Variants in SLC9C1 observed in about 807,000 individuals in gnomAD.
The protein encoded by SLC9C1 is sodium/hydrogen exchanger 10.
SLC9C1 carries 97 observed loss-of-function variants against 140.9 expected under a neutral mutation model. The ratio of observed to expected loss-of-function variants is 0.69; its 90% CI spans 0.58 to 0.82. SLC9C1 has a LOEUF of 0.82. SLC9C1 is among the 40% of genes least tolerant of loss of function. The pLI, the probability that SLC9C1 is intolerant of heterozygous loss-of-function variation, is 0.00. For missense variants in SLC9C1, 1,340 were observed against 1,389.3 expected, an observed-to-expected ratio of 0.96 and a Z score of 0.56; for synonymous variants, 440 against 442.6, an observed-to-expected ratio of 0.99 and a Z score of 0.07.
chr3:112,205,126 A>G (rs1458154162), intron 16 of SLC9C1, among the ~76,000 whole-genome samples: 1 of 152,090 alleles, frequency 6.6e-6, no homozygotes, highest in African/African-American at 2.4e-5. Context: ...CTGTTTGCAG[A>G]TGACATGATT....
intron 5 of SLC9C1, 98 bp from the exon 6 acceptor site, chr3:112,275,123 T>C (rs1047609137): frequency 3.1e-6 from 4 of 1,274,470 alleles, no homozygotes; most frequent in Non-Finnish European, 4.2e-6. Context: ...ATAAGGATGG[T>C]CTTAGCTATG....
At chr3:112,289,545 T>C (rs997953774) in intron 1 of SLC9C1, among the ~76,000 whole-genome samples, 3 of 152,206 alleles carry the variant, frequency 2.0e-5, no homozygotes. Context: ...ACAACCTTTG[T>C]GTCTCATTTT....
At chr3:112,237,524 G>A (rs953360465) in intron 12 of SLC9C1, among the ~76,000 whole-genome samples, 9 of 152,102 alleles carry the variant, frequency 5.9e-5, no homozygotes, top group Admixed American at 6.6e-5. Context: ...TATTTTGCTC[G>A]TTAGTTGATG....
At chr3:112,259,102 G>T (rs2079695156) in intron 10 of SLC9C1, among the ~76,000 whole-genome samples, 4 of 152,082 alleles carry the variant, frequency 2.6e-5, no homozygotes, top group Admixed American at 2.6e-4. Flanking sequence ...AACCACATTA[G>T]AATATTATGC....
intron 14 of SLC9C1, among the ~76,000 whole-genome samples, chr3:112,220,476 G>C (rs2078510410): frequency 6.6e-6 from 1 of 152,192 alleles, no homozygotes; most frequent in South Asian, 2.1e-4. Flanking sequence ...GACAATTTAA[G>C]CAGGGAATTT....
intron 19 of SLC9C1, among the ~76,000 whole-genome samples, chr3:112,200,311 T>C (rs2077874860): frequency 6.6e-6 from 1 of 152,118 alleles, no homozygotes; most frequent in Admixed American, 6.6e-5. Flanking sequence ...TTTCAACTCA[T>C]GTAAGACCTA....
At chr3:112,166,719 C>G (rs777528386) in intron 26 of SLC9C1, among the ~76,000 whole-genome samples, 7 of 151,798 alleles carry the variant, frequency 4.6e-5, no homozygotes. Flanking sequence ...ATATTTATCT[C>G]AAAATTCAAT....
chr3:112,203,668 T>C (rs1243094718), intron 17 of SLC9C1, among the ~76,000 whole-genome samples: 1 of 151,992 alleles, frequency 6.6e-6, no homozygotes, highest in African/African-American at 2.4e-5. Flanking sequence ...TATATATACT[T>C]ATTTGTGGAG....
intron 6 of SLC9C1, among the ~76,000 whole-genome samples, chr3:112,272,783 C>A (rs1468965244): frequency 6.6e-6 from 1 of 152,032 alleles, no homozygotes; most frequent in African/African-American, 2.4e-5. Flanking sequence ...ACAAGGCAAG[C>A]TCTATGGAGG....
intron 10 of SLC9C1, among the ~76,000 whole-genome samples, chr3:112,246,987 C>T (rs1225276840): frequency 6.6e-6 from 1 of 152,144 alleles, no homozygotes; most frequent in Non-Finnish European, 1.5e-5. Context: ...CTCCAGTTTT[C>T]TCCTGAAAAC....
chr3:112,251,564 C>T (rs2079458089), intron 10 of SLC9C1, among the ~76,000 whole-genome samples: 1 of 152,122 alleles, frequency 6.6e-6, no homozygotes, highest in South Asian at 2.1e-4. Context: ...ATCCAGGAGG[C>T]CTGAGTAGCA....
At chr3:112,166,147 G>A (rs1254808121) in intron 26 of SLC9C1, among the ~76,000 whole-genome samples, 3 of 152,194 alleles carry the variant, frequency 2.0e-5, no homozygotes, top group South Asian at 2.1e-4. Context: ...GGAGTGACCC[G>A]ATTTTCCAGG....
intron 10 of SLC9C1, among the ~76,000 whole-genome samples, chr3:112,254,004 G>T (rs188617294): frequency 1.2e-3 from 177 of 152,264 alleles, no homozygotes; most frequent in Non-Finnish European, 2.0e-3. Flanking sequence ...GAACTTGAAG[G>T]CTTGATCCAT....
chr3:112,144,303 G>A (rs776599279), intron 28 of SLC9C1, among the ~76,000 whole-genome samples: 8 of 150,184 alleles, frequency 5.3e-5, no homozygotes, highest in Non-Finnish European at 1.0e-4. Flanking sequence ...TCAGCCTCTT[G>A]AGTAGCTGGG....
chr3:112,239,050 C>G (rs180726300), intron 12 of SLC9C1, among the ~76,000 whole-genome samples: 3 of 152,330 alleles, frequency 2.0e-5, no homozygotes, highest in Admixed American at 1.3e-4. Context: ...GCCCTGCCCC[C>G]AGAGGTGGAG....
chr3:112,238,809 C>G (rs2079062605), intron 12 of SLC9C1, among the ~76,000 whole-genome samples: 1 of 152,186 alleles, frequency 6.6e-6, no homozygotes, highest in Admixed American at 6.5e-5. Context: ...TCTGATTGTT[C>G]CTCTGGAGGT....
chr3:112,180,481 C>T, intron 22 of SLC9C1, 83 bp downstream of exon 22: 2 of 1,063,236 alleles, frequency 1.9e-6, no homozygotes, highest in Non-Finnish European at 2.7e-6. Context: ...CAAGATCATG[C>T]CATTGCACTC....
chr3:112,215,511 T>A (rs190623645), intron 15 of SLC9C1, among the ~76,000 whole-genome samples: 19 of 152,152 alleles, frequency 1.2e-4, no homozygotes, highest in Admixed American at 9.8e-4. Flanking sequence ...TTCAGCAAAG[T>A]CCCAGGATAA....
At chr3:112,213,980 T>A (rs1031317797) in intron 15 of SLC9C1, among the ~76,000 whole-genome samples, 1 of 152,160 alleles carries the variant, frequency 6.6e-6, no homozygotes, top group African/African-American at 2.4e-5. Context: ...TCAGCAAATG[T>A]AAAAGAACAG....
Sources: gnomAD v4.1 joint callset for allele counts (sites outside exome capture counted in the v4.1 genomes callset) on GRCh38, gnomAD v4.1.1 for gene constraint, MANE v1.5 for transcripts, NCBI Gene and HGNC (gene_info 2026-07-23, HGNC 2026-07-21) for gene names.